Variants in ST8SIA6 observed in about 807,000 individuals in gnomAD.
ST8SIA6 encodes alpha-2,8-sialyltransferase 8F.
In ST8SIA6, 39 loss-of-function variants were observed where a neutral mutation model predicts 33.6. The observed-to-expected ratio is 1.16, with a 90% CI of 0.90 to 1.52. The LOEUF (loss-of-function observed/expected upper bound fraction) is 1.52, where lower values mean the gene tolerates loss of function less well. Among genes scored for constraint, ST8SIA6 ranks in the 40% most tolerant of loss-of-function variants. The pLI is 0.00. For missense variants in ST8SIA6, 441 were observed against 443.8 expected (o/e 0.99, Z 0.06); for synonymous variants, 172 against 167.2 (o/e 1.03, Z -0.22).
intron 4 of ST8SIA6, among the ~76,000 whole-genome samples, chr10:17,335,919 T>C (rs1222445252): frequency 6.6e-6 from 1 of 152,042 alleles, no homozygotes; most frequent in Non-Finnish European, 1.5e-5. Flanking sequence ...AAATCAGATT[T>C]CTCCTTATGC....
rs142192557 is a variant in ST8SIA6, at chr10:17,380,853, T to TTGTGTGTATGTGTGTA, written c.290+9677_290+9678insTACACACATACACACA. Among the ~76,000 whole-genome samples, 12 of 86,362 alleles carry TTGTGTGTATGTGTGTA rather than the reference T, an allele frequency of 1.4e-4. 1 individual carries two copies. The highest frequency in any genetic ancestry group is 3.8e-4 in the African/African-American group (9 of 23,680). The allele number at this position is 86,362 out of a possible 152,430, so 56.7% of individuals were successfully genotyped here. ...TGTTTGTATGTGTACGTTTGTGTGT[T>TTGTGTGTATGTGTGTA]TGTGTGTATGTGTTTGTATGTGTAC... On this transcript the variant is annotated intron_variant, in intron 3 of 7. Transcript: ENST00000377602.
At chr10:17,364,703 G>A (rs958193559) in intron 3 of ST8SIA6, among the ~76,000 whole-genome samples, 2 of 152,164 alleles carry the variant, frequency 1.3e-5, no homozygotes, top group African/African-American at 4.8e-5. Flanking sequence ...AATCATTTGA[G>A]GAGGAAAAAC....
intron 4 of ST8SIA6, among the ~76,000 whole-genome samples, chr10:17,345,170 A>T (rs778893128): frequency 6.6e-6 from 1 of 152,154 alleles, no homozygotes; most frequent in African/African-American, 2.4e-5. Context: ...AGGAGCTGCA[A>T]GGGGTGAGAC....
intron 4 of ST8SIA6, among the ~76,000 whole-genome samples, chr10:17,348,806 C>T (rs1418919938): frequency 6.6e-6 from 1 of 151,726 alleles, no homozygotes; most frequent in East Asian, 1.9e-4. Context: ...TTCATCTATG[C>T]CCTTAGGCTT....
chr10:17,391,210 T>A (rs543224186), intron 2 of ST8SIA6, among the ~76,000 whole-genome samples: 19 of 151,946 alleles, frequency 1.3e-4, no homozygotes, highest in Non-Finnish European at 2.4e-4. Flanking sequence ...GTATTTACAA[T>A]GAACAAGTTA....
chr10:17,417,547 C>T (rs1262187507), intron 2 of ST8SIA6, among the ~76,000 whole-genome samples: 4 of 151,980 alleles, frequency 2.6e-5, no homozygotes, highest in African/African-American at 7.3e-5. Flanking sequence ...TCTTTCCTAC[C>T]ACTTAGCACA....
intron 2 of ST8SIA6, among the ~76,000 whole-genome samples, chr10:17,441,925 G>C (rs1226234935): frequency 2.0e-5 from 3 of 150,422 alleles, no homozygotes; most frequent in Admixed American, 6.6e-5. Flanking sequence ...CTGGAGTGCA[G>C]TGGTGTGATC....
intron 3 of ST8SIA6, among the ~76,000 whole-genome samples, chr10:17,388,141 A>G (rs1165396626): frequency 1.3e-5 from 2 of 152,214 alleles, no homozygotes; most frequent in African/African-American, 2.4e-5. Flanking sequence ...AGGTGAGGTC[A>G]GTGGGCTTCC....
chr10:17,319,408 T>A lies in ST8SIA6; in HGVS notation c.*1470A>T, dbSNP rs1847873144. Among the ~76,000 whole-genome samples the A allele has an allele frequency of 6.6e-6, 1 of 152,190 alleles. No individual in the cohort carries two copies. The highest frequency in any genetic ancestry group is 1.5e-5 in the Non-Finnish European group (1 of 68,028). ...TGGCTAACGTGAATCTAGGTAGGATTGTTGTAAAATTTCACACGTGCTTTT... is the reference window on the plus strand; with the variant it reads ...TGGCTAACGTGAATCTAGGTAGGATAGTTGTAAAATTTCACACGTGCTTTT... On this transcript the variant is annotated 3_prime_UTR_variant, in exon 8 of 8. Transcript: ENST00000377602.
intron 4 of ST8SIA6, among the ~76,000 whole-genome samples, chr10:17,356,214 G>C (rs1849184698): frequency 6.6e-6 from 1 of 151,522 alleles, no homozygotes; most frequent in African/African-American, 2.4e-5. Context: ...TTTGTGCCCA[G>C]CACTCTAGCA....
chr10:17,357,758 C>T (rs1294365037), intron 4 of ST8SIA6, among the ~76,000 whole-genome samples: 3 of 152,116 alleles, frequency 2.0e-5, no homozygotes, highest in Non-Finnish European at 4.4e-5. Context: ...ACTTAACAGC[C>T]AGAAGTAAAA....
In ST8SIA6 at chr10:17,321,055, C is replaced by T. The variant is rs745915521; in HGVS notation, c.1020G>A (p.Leu340=). ...TTTTAGAGAAGGGCCAGAATCCATA[C>T]AGCTTCACATTTTTACACAGTTCCA... ...VAVELCKNVK[L]YGFWPFSKTV... Residue 340 remains leucine, a synonymous_variant, in exon 8 of 8, where the codon CTG becomes CTA. Transcript: ENST00000377602. 33 of 1,613,958 alleles carry T rather than the reference C, an allele frequency of 2.0e-5. No individual in the cohort carries two copies. Among genetic ancestry groups the T allele is most frequent in the Non-Finnish European group, 2.3e-5 (27 of 1,179,988 alleles).
At chr10:17,373,480 C>T (rs1027911993) in intron 3 of ST8SIA6, among the ~76,000 whole-genome samples, 2 of 152,158 alleles carry the variant, frequency 1.3e-5, no homozygotes, top group Admixed American at 1.3e-4. Flanking sequence ...TGCTCTTCCT[C>T]TCTTTAAAGA....
intron 2 of ST8SIA6, among the ~76,000 whole-genome samples, chr10:17,438,035 C>G (rs552005209): frequency 8.5e-5 from 13 of 152,198 alleles, no homozygotes; most frequent in Non-Finnish European, 1.9e-4. Context: ...GGCCATGCCC[C>G]CCTGTTTCTG....
chr10:17,376,563 C>T (rs1849922785), intron 3 of ST8SIA6, among the ~76,000 whole-genome samples: 1 of 152,096 alleles, frequency 6.6e-6, no homozygotes, highest in African/African-American at 2.4e-5. Flanking sequence ...TGGGTCAGCA[C>T]CTCTAAGTAT....
intron 4 of ST8SIA6, among the ~76,000 whole-genome samples, chr10:17,345,236 T>C (rs1203274291): frequency 6.6e-6 from 1 of 152,206 alleles, no homozygotes; most frequent in Non-Finnish European, 1.5e-5. Flanking sequence ...GAGACTGAGA[T>C]GCCTGGAGCA....
chr10:17,324,708 TACACACACAC>T (rs6143806), intron 6 of ST8SIA6, among the ~76,000 whole-genome samples: 5 of 140,008 alleles, frequency 3.6e-5, no homozygotes, highest in Admixed American at 7.3e-5. Context: ...ATATAGAGTA[TACACACACAC>T]ACACACACAC....
intron 2 of ST8SIA6, among the ~76,000 whole-genome samples, chr10:17,419,705 A>G (rs1851720055): frequency 6.6e-6 from 1 of 152,244 alleles, no homozygotes; most frequent in Non-Finnish European, 1.5e-5. Context: ...AGGGAACAAT[A>G]TGCCATCTGC....
In ST8SIA6 at chr10:17,390,630, GAA is replaced by G; in HGVS notation, c.201-12_201-11del. ...CTCATTCAGATATGTGCTGTTTCAT[GAA>G]AGAGATTTTTAAAAAGATTGATTTA... On this transcript the variant is annotated splice_polypyrimidine_tract_variant and intron_variant, in intron 2 of 7. Coordinates refer to ENST00000377602, the MANE Select transcript of ST8SIA6 (RefSeq NM_001004470.3). The G allele has an allele frequency of 6.3e-7, 1 of 1,598,172 alleles. No homozygotes were observed. The highest frequency in any genetic ancestry group is 8.5e-7 in the Non-Finnish European group (1 of 1,172,616).
Sources: gnomAD v4.1 joint callset for allele counts (sites outside exome capture counted in the v4.1 genomes callset) on GRCh38, gnomAD v4.1.1 for gene constraint, MANE v1.5 for transcripts, NCBI Gene and HGNC (gene_info 2026-07-23, HGNC 2026-07-21) for gene names.